The following DPP6 variants were observed in gnomAD, a reference collection of about 807,000 sequenced individuals.
The protein encoded by DPP6 is A-type potassium channel modulatory protein DPP6.
In DPP6, 69 loss-of-function variants were observed where a neutral mutation model predicts 122.6. That is an observed-to-expected ratio of 0.56 (90% CI 0.46 to 0.69). The LOEUF (loss-of-function observed/expected upper bound fraction) is 0.69, where lower values mean the gene tolerates loss of function less well. DPP6 is among the 30% of genes least tolerant of loss of function. DPP6 has a pLI of 0.00. For missense variants in DPP6, 928 were observed against 1,116.9 expected (o/e 0.83, Z 2.41); for synonymous variants, 418 against 433.1 (o/e 0.97, Z 0.43).
chr7:154,858,182 T>A (rs935664099), intron 17 of DPP6: 5 of 152,192 alleles, frequency 3.3e-5, no homozygotes, highest in African/African-American at 1.2e-4. Flanking sequence ...CAGGGTGCTG[T>A]GGCAAATACT....
intron 6 of DPP6, among the ~76,000 whole-genome samples, chr7:154,645,705 G>T (rs1027833734): frequency 3.3e-5 from 5 of 152,134 alleles, no homozygotes; most frequent in Admixed American, 1.3e-4. Flanking sequence ...ATGAGGTGAT[G>T]TCTTTAAGGG....
At chr7:154,631,671 A>G (rs1463009619) in intron 5 of DPP6, among the ~76,000 whole-genome samples, 1 of 49,906 alleles carries the variant, frequency 2.0e-5, no homozygotes, top group African/African-American at 1.4e-4. Context: ...TGTCTCAAGA[A>G]AAAAAAAAAA....
chr7:154,703,986 A>C (rs1840682356), intron 7 of DPP6, among the ~76,000 whole-genome samples: 1 of 152,248 alleles, frequency 6.6e-6, no homozygotes, highest in Non-Finnish European at 1.5e-5. Context: ...GCTGCCATAG[A>C]TAGTGATTCC....
chr7:154,752,739 G>A (rs887033091), intron 8 of DPP6, among the ~76,000 whole-genome samples: 5 of 152,166 alleles, frequency 3.3e-5, no homozygotes, highest in Non-Finnish European at 5.9e-5. Context: ...AGTGGCGGCC[G>A]CTCTGTTCTA....
chr7:154,205,817 T>C (rs1799417783), intron 1 of DPP6, among the ~76,000 whole-genome samples: 1 of 151,858 alleles, frequency 6.6e-6, no homozygotes, highest in Non-Finnish European at 1.5e-5. Context: ...ACGCTCAAGA[T>C]GCCCTCTTAC....
chr7:154,330,175 G>A (rs1482400517), intron 1 of DPP6, among the ~76,000 whole-genome samples: 2 of 152,242 alleles, frequency 1.3e-5, no homozygotes, highest in Non-Finnish European at 2.9e-5. Flanking sequence ...TTGTGCACAT[G>A]TATCCCAGAA....
chr7:154,501,281 A>C (rs1825220617), intron 3 of DPP6, among the ~76,000 whole-genome samples: 2 of 152,006 alleles, frequency 1.3e-5, no homozygotes, highest in South Asian at 4.1e-4. Context: ...CTGAGGTGAA[A>C]TTCAAGCCAG....
the DPP6 span, among the ~76,000 whole-genome samples, chr7:153,855,672 T>C: frequency 6.6e-6 from 1 of 152,164 alleles, no homozygotes; most frequent in Non-Finnish European, 1.5e-5. Context: ...AGTGTACTTC[T>C]GTGTGTGTTT....
chr7:153,850,647 G>T, the DPP6 span, among the ~76,000 whole-genome samples: 1 of 152,290 alleles, frequency 6.6e-6, no homozygotes, highest in South Asian at 2.1e-4. Flanking sequence ...TGGCTGGGGA[G>T]TCCTCACAAT....
At chr7:154,475,258 C>T in intron 3 of DPP6, 1 of 511,276 alleles carries the variant, frequency 2.0e-6, no homozygotes, top group Non-Finnish European at 3.6e-6. Flanking sequence ...AGCATCCACA[C>T]AGCCTTCACT....
chr7:154,884,993 C>G lies in DPP6; in HGVS notation c.2134-640C>G, dbSNP rs572863872. On this transcript the variant is annotated intron_variant, in intron 21 of 25. Transcript: ENST00000377770. ...CGTGCTGTCCCGTTTCCCTCGGGGT[C>G]TTCCCTTCGGAGGCTGCAGCTCGTC... The G allele has an allele frequency of 2.0e-5, 3 of 152,730 alleles. No individual in the cohort carries two copies. In the South Asian group the frequency reaches 6.2e-4, roughly 32 times the overall value. The allele number at this position is 152,730 out of a possible 1,614,324, so 9.5% of individuals were successfully genotyped here. A position where few individuals can be genotyped will look rare whatever the true frequency, so the allele number is the denominator to read the frequency against.
At chr7:154,292,388 CTAATT>C (rs1236107917) in intron 1 of DPP6, among the ~76,000 whole-genome samples, 1 of 152,180 alleles carries the variant, frequency 6.6e-6, no homozygotes, top group Non-Finnish European at 1.5e-5. Flanking sequence ...TCAAACGTGG[CTAATT>C]TCCCAGCATA....
At chr7:154,393,336 G>A (rs1208894409) in intron 1 of DPP6, among the ~76,000 whole-genome samples, 1 of 152,196 alleles carries the variant, frequency 6.6e-6, no homozygotes, top group Non-Finnish European at 1.5e-5. Context: ...TTGTATAGTA[G>A]CATTGCCTTG....
chr7:153,877,820 T>C, the DPP6 span, among the ~76,000 whole-genome samples: 287 of 152,258 alleles, frequency 1.9e-3, 2 homozygotes, highest in African/African-American at 6.4e-3. Context: ...AGAACATCAT[T>C]TTAATGGAAA....
intron 3 of DPP6, among the ~76,000 whole-genome samples, chr7:154,528,281 G>A (rs904189821): frequency 2.6e-5 from 4 of 152,128 alleles, no homozygotes; most frequent in Admixed American, 6.6e-5. Context: ...TCCATATAGC[G>A]TTAAAATGCA....
intron 6 of DPP6, among the ~76,000 whole-genome samples, chr7:154,656,623 G>A (rs1306815041): frequency 1.3e-5 from 2 of 152,208 alleles, no homozygotes; most frequent in Non-Finnish European, 2.9e-5. Flanking sequence ...AGGTCAGAAA[G>A]TGGCCCTCAG....
intron 4 of DPP6, among the ~76,000 whole-genome samples, chr7:154,556,511 T>C (rs896201601): frequency 2.0e-5 from 3 of 152,206 alleles, no homozygotes; most frequent in African/African-American, 7.2e-5. Context: ...AAAGATGTAA[T>C]GTAAGTCTCA....
rs895870237 is a variant in DPP6 at position 154,262,898 on chromosome 7, G to A, written c.244-183316G>A. Among the ~76,000 whole-genome samples the A allele has an allele frequency of 1.2e-4, 18 of 152,298 alleles. 1 individual carries two copies. The highest frequency in any genetic ancestry group is 3.3e-4 in the Admixed American group (5 of 15,304). On this transcript the variant is annotated intron_variant, in intron 1 of 25. Transcript: ENST00000377770. ...TACTGGCTAAGGTCAGTGGATCAAA[G>A]AGACACAGTAGTCTATGCACGTTTC...
Position 154,760,269 on chromosome 7 carries a change from C to T in DPP6, c.884-9148C>T, listed in dbSNP as rs1003028500. Among the ~76,000 whole-genome samples, 6 of 152,014 alleles carry T rather than the reference C, an allele frequency of 3.9e-5. No homozygotes were observed. The highest frequency in any genetic ancestry group is 2.1e-4 in the South Asian group (1 of 4,816). On this transcript the variant is annotated intron_variant, in intron 8 of 25. Coordinates refer to ENST00000377770, the MANE Select transcript of DPP6 (RefSeq NM_130797.4). This position sits in a 1 kb window ranked among gnomAD's most constrained non-coding sequence, Gnocchi z 4.5. ...ATTAGCAGGTGATTGGTGGAAGGAACGGGGAGGTTTGGAAAGTCCTTCAGC... is the reference window on the plus strand; with the variant it reads ...ATTAGCAGGTGATTGGTGGAAGGAATGGGGAGGTTTGGAAAGTCCTTCAGC...
Sources: allele counts gnomAD v4.1 joint callset (sites outside exome capture counted in the v4.1 genomes callset), GRCh38; gene constraint gnomAD v4.1.1; non-coding constraint Gnocchi (gnomAD v3.1); transcripts MANE v1.5; gene names NCBI Gene and HGNC (gene_info 2026-07-23, HGNC 2026-07-21).